The following GABBR1 variants were observed in gnomAD, a reference collection of about 807,000 sequenced individuals.
The protein encoded by GABBR1 is gamma-aminobutyric acid type B receptor subunit 1, also known as GABA-B receptor, R1 subunit.
GABBR1 carries 35 observed loss-of-function variants against 117.7 expected under a neutral mutation model. That is an observed-to-expected ratio of 0.30 (90% CI 0.23 to 0.39). The LOEUF (loss-of-function observed/expected upper bound fraction) is 0.39. GABBR1 is among the 10% of genes least tolerant of loss of function. GABBR1 has a pLI of 1.00. For synonymous variants in GABBR1, 442 were observed against 486.6 expected (o/e 0.91, Z 1.21); for missense variants, 709 against 1,241.8 (o/e 0.57, Z 6.45).
At chr6:29,610,169 C>T (rs1275427274) in intron 14 of GABBR1, among the ~76,000 whole-genome samples, 1 of 151,982 alleles carries the variant, frequency 6.6e-6, no homozygotes, top group East Asian at 1.9e-4. Context: ...TGAGCCTCCC[C>T]TTCATTCTCA....
chr6:29,627,553 T>A lies in GABBR1; in HGVS notation c.590A>T (p.Glu197Val). Reference protein sequence around the residue: ...ACQPAVEMALEDVNSRRDILP... With the variant: ...ACQPAVEMALVDVNSRRDILP... ...GATGTCCCTGCGGCTATTCACGTCC[T>A]CCAGCGCCATCTCCACCGCGGGCTG... The change falls in exon 6 of 23, where the codon GAG (glutamate) becomes GTG (valine). Residue 197 changes from glutamate to valine, a missense_variant. Glu to Val is a moderately radical substitution (Grantham distance 121, BLOSUM62 -2). Around this residue, in one of 9 missense-constraint regions of GABBR1, gnomAD observed 192 missense variants for 418.4 expected, o/e 0.46. Coordinates refer to ENST00000377034, the MANE Select transcript of GABBR1 (RefSeq NM_001470.4). This position sits in a 1 kb window ranked among gnomAD's most constrained non-coding sequence, Gnocchi z 4.4. 6.3e-7 allele frequency: 1 copy of A among 1,587,118 alleles called. No homozygotes were observed. Among genetic ancestry groups the A allele is most frequent in the Non-Finnish European group, 8.6e-7 (1 of 1,166,506 alleles).
At chr6:29,612,733 T>C (rs1330240849) in intron 12 of GABBR1, 119 bp from the exon 13 acceptor site, 1 of 882,496 alleles carries the variant, frequency 1.1e-6, no homozygotes, top group Non-Finnish European at 1.9e-6. Flanking sequence ...ATGAATGCTA[T>C]TTATGGCATT....
rs1272718118 is a variant in GABBR1, at chr6:29,605,798, G to A, written c.2312-102C>T. On this transcript the variant is annotated intron_variant, in intron 19 of 22. Coordinates refer to ENST00000377034, the MANE Select transcript of GABBR1 (RefSeq NM_001470.4). This position sits in a 1 kb window ranked among gnomAD's most constrained non-coding sequence, Gnocchi z 4.2. Reference sequence around the variant, plus strand: ...CTTCACCTACTCTGAAATGGAAAGGGGGCCCTCCTCTCCAATCCAACCCCT... The same window carrying A: ...CTTCACCTACTCTGAAATGGAAAGGAGGCCCTCCTCTCCAATCCAACCCCT... 7.1e-7 allele frequency: 1 copy of A among 1,407,286 alleles called. No homozygotes were observed. Among genetic ancestry groups the A allele is most frequent in the Non-Finnish European group, 9.6e-7 (1 of 1,036,862 alleles). 87.2% of individuals were successfully genotyped at this position (1,407,286 alleles called of 1,614,324 possible).
intron 11 of GABBR1, among the ~76,000 whole-genome samples, chr6:29,616,027 C>T (rs1409001214): frequency 6.6e-6 from 1 of 151,986 alleles, no homozygotes; most frequent in African/African-American, 2.4e-5. Flanking sequence ...CATGGAGAAA[C>T]CCTGTCTCTA....
chr6:29,628,225 A>G lies in GABBR1; in HGVS notation c.497-579T>C, dbSNP rs557919939. The G allele has an allele frequency of 1.1e-5, 10 of 951,466 alleles. No homozygotes were observed. The African/African-American group carries it at 1.6e-4, about 16-fold the overall frequency. 58.9% of individuals were successfully genotyped at this position (951,466 alleles called of 1,614,324 possible). A position where few individuals can be genotyped will look rare whatever the true frequency, so the allele number is the denominator to read the frequency against. ...GGGATGCAACCTCGAGGAGGAAAGGAACGAAAGAGGAAGGGAGGGATCTCA... is the reference window on the plus strand; with the variant it reads ...GGGATGCAACCTCGAGGAGGAAAGGGACGAAAGAGGAAGGGAGGGATCTCA... On this transcript the variant is annotated intron_variant, in intron 5 of 22. Coordinates refer to ENST00000377034, the MANE Select transcript of GABBR1 (RefSeq NM_001470.4).
intron 12 of GABBR1, 74 bp from the exon 13 acceptor site, chr6:29,612,688 A>G: frequency 7.9e-7 from 1 of 1,267,640 alleles, no homozygotes. Context: ...GGGACTCTTT[A>G]AATCCTTCTG....
In GABBR1 at chr6:29,604,569, C is replaced by T. The variant is rs1227763316; in HGVS notation, c.2637G>A (p.Ser879=). ...ACTTCTCCTCCTCGTTGTTGTTGGT[C>T]GATGACCCTGTCTTCATGGTGTCCT... ...EAQDTMKTGS[S]TNNNEEEKSR... The change falls in exon 22 of 23, where the codon TCG becomes TCA. Residue 879 remains serine, a synonymous_variant. Transcript: ENST00000377034. This position sits in a 1 kb window ranked among gnomAD's most constrained non-coding sequence, Gnocchi z 5.3. 6 of 1,613,150 alleles carry T rather than the reference C, an allele frequency of 3.7e-6. No homozygotes were observed. Among genetic ancestry groups the T allele is most frequent in the South Asian group, 1.1e-5 (1 of 91,088 alleles).
intron 14 of GABBR1, 72 bp downstream of exon 14, chr6:29,610,852 C>T: frequency 7.7e-7 from 1 of 1,291,928 alleles, no homozygotes; most frequent in Non-Finnish European, 1.1e-6. Context: ...ATTCCATCCT[C>T]ACTCAAAGGC....
rs951005038 is a variant in GABBR1, at chr6:29,620,542, G to A, written c.1323+559C>T. Among the ~76,000 whole-genome samples, 1 of 151,900 alleles carries A rather than the reference G, an allele frequency of 6.6e-6. No homozygotes were observed. Among genetic ancestry groups the A allele is most frequent in the Non-Finnish European group, 1.5e-5 (1 of 67,960 alleles). On this transcript the variant is annotated intron_variant, in intron 11 of 22. Transcript: ENST00000377034. This position sits in a 1 kb window ranked among gnomAD's most constrained non-coding sequence, Gnocchi z 4.5. Reference sequence around the variant, plus strand: ...CTCAAATCAGAGAATGCGCCTCCTCGCTCCAAGTCTGTCATTAACCAGCTG... The same window carrying A: ...CTCAAATCAGAGAATGCGCCTCCTCACTCCAAGTCTGTCATTAACCAGCTG...
chr6:29,608,746 T>TGGAGAGGGTGAGAGGG lies in GABBR1; in HGVS notation c.1860-29_1860-14dup, dbSNP rs1762221902. 9 of 1,611,736 alleles carry TGGAGAGGGTGAGAGGG rather than the reference T, an allele frequency of 5.6e-6. No homozygotes were observed. The East Asian group carries it at 2.0e-4, about 36-fold the overall frequency. On this transcript the variant is annotated splice_polypyrimidine_tract_variant and intron_variant, in intron 15 of 22. Coordinates refer to ENST00000377034, the MANE Select transcript of GABBR1 (RefSeq NM_001470.4). ...GTTCTGGATATAACTAGGGCAGAGG[T>TGGAGAGGGTGAGAGGG]GGAGAGGGTGAGAGGGAGAGAGAAT...
chr6:29,606,360 C>T lies in GABBR1; in HGVS notation c.2311+31G>A. 6.6e-7 allele frequency: 1 copy of T among 1,525,550 alleles called. No individual in the cohort carries two copies. The highest frequency in any genetic ancestry group is 9.1e-7 in the Non-Finnish European group (1 of 1,100,054). The allele number at this position is 1,525,550 out of a possible 1,614,324, so 94.5% of individuals were successfully genotyped here. ...TGCCTTCCCTCCTGCCTTTGTGCAT[C>T]CCTGCCCTCCTTTGCCCACATCCCA... On this transcript the variant is annotated intron_variant, in intron 19 of 22. Coordinates refer to ENST00000377034, the MANE Select transcript of GABBR1 (RefSeq NM_001470.4). This position sits in a 1 kb window ranked among gnomAD's most constrained non-coding sequence, Gnocchi z 4.5.
rs1762579226 is a variant in GABBR1, at chr6:29,611,920, C to T, written c.1630+631G>A. ...ACTGACAGGTCATCAACCTCTCAAC[C>T]CAAGCCACTCAAGGGGAAATTCCTG... On this transcript the variant is annotated intron_variant, in intron 13 of 22. Transcript: ENST00000377034. The surrounding 1 kb of genome is among the most constrained non-coding windows in gnomAD (Gnocchi z 4.6). Among the ~76,000 whole-genome samples, 1 of 152,226 alleles carries T rather than the reference C, an allele frequency of 6.6e-6. No individual in the cohort carries two copies. The highest frequency in any genetic ancestry group is 1.5e-5 in the Non-Finnish European group (1 of 68,044).
At position 29,604,710 on chromosome 6, in the gene GABBR1, G is replaced by A. The variant is rs190005485; in HGVS notation, c.2569-73C>T. On this transcript the variant is annotated intron_variant, in intron 21 of 22. Transcript: ENST00000377034. This position sits in a 1 kb window ranked among gnomAD's most constrained non-coding sequence, Gnocchi z 5.3. ...AGTGACTGGCTGATGGAAGGTTGGA[G>A]GTGGAAGGAATGCTGATAAGAGTTG... 1.1e-4 allele frequency: 169 copies of A among 1,606,784 alleles called. 2 individuals carry two copies. The East Asian group carries it at 3.7e-3, about 35-fold the overall frequency.
In GABBR1 at chr6:29,602,665, T is replaced by G; in HGVS notation, c.*878A>C. The G allele has an allele frequency of 3.9e-6, 1 of 258,034 alleles. No homozygotes were observed. The highest frequency in any genetic ancestry group is 7.6e-6 in the Non-Finnish European group (1 of 131,450). 16.0% of individuals were successfully genotyped at this position (258,034 alleles called of 1,614,324 possible). ...GGCTCTGTCAGAAGAATACCATGATTTAAGGGAAGAAAGTACACAAGGTAC... is the reference window on the plus strand; with the variant it reads ...GGCTCTGTCAGAAGAATACCATGATGTAAGGGAAGAAAGTACACAAGGTAC... On this transcript the variant is annotated 3_prime_UTR_variant, in exon 23 of 23. Coordinates refer to ENST00000377034, the MANE Select transcript of GABBR1 (RefSeq NM_001470.4).
rs948000512 is a variant in GABBR1 at position 29,607,865 on chromosome 6, T to C, written c.1993-647A>G. Among the ~76,000 whole-genome samples, 1 of 152,236 alleles carries C rather than the reference T, an allele frequency of 6.6e-6. No individual in the cohort carries two copies. The highest frequency in any genetic ancestry group is 2.4e-5 in the African/African-American group (1 of 41,464). On this transcript the variant is annotated intron_variant, in intron 16 of 22. Transcript: ENST00000377034. The surrounding 1 kb of genome is among the most constrained non-coding windows in gnomAD (Gnocchi z 5.0). ...ATCCCTACTCTGGAACCTCTCCTAT[T>C]GCACTACAGCTAATTGTCTGCTTCT...
Position 29,603,293 on chromosome 6 carries a change from G to A in GABBR1, c.*250C>T, listed in dbSNP as rs1761571551. On this transcript the variant is annotated 3_prime_UTR_variant, in exon 23 of 23. Transcript: ENST00000377034. ...GTGAGCAGTGAGCAGCTTCAAGCCA[G>A]GTACGAACTAAATTGTGAAGAGGTG... The A allele has an allele frequency of 1.5e-6, 1 of 675,170 alleles. No homozygotes were observed. Among genetic ancestry groups the A allele is most frequent in the Non-Finnish European group, 2.7e-6 (1 of 366,540 alleles). The allele number at this position is 675,170 out of a possible 1,614,324, so 41.8% of individuals were successfully genotyped here. A position where few individuals can be genotyped will look rare whatever the true frequency, so the allele number is the denominator to read the frequency against.
chr6:29,611,251 G>A lies in GABBR1; in HGVS notation c.1631-250C>T. ...TATGTTTAAAAGTCTTCAGTGAGGA[G>A]GCTCCACAACATGTCTGCCACCTAT... is the stretch of plus-strand genomic sequence containing the variant. On this transcript the variant is annotated intron_variant, in intron 13 of 22. Transcript: ENST00000377034. This position sits in a 1 kb window ranked among gnomAD's most constrained non-coding sequence, Gnocchi z 4.6. 2 of 428,402 alleles carry A rather than the reference G, an allele frequency of 4.7e-6. No homozygotes were observed. Among genetic ancestry groups the A allele is most frequent in the Admixed American group, 3.9e-5 (1 of 25,944 alleles). 26.5% of individuals were successfully genotyped at this position (428,402 alleles called of 1,614,324 possible). A position where few individuals can be genotyped will look rare whatever the true frequency, so the allele number is the denominator to read the frequency against.
chr6:29,622,109 G>C lies in GABBR1; in HGVS notation c.1060C>G (p.Leu354Val). 1 of 1,613,566 alleles carries C rather than the reference G, an allele frequency of 6.2e-7. No individual in the cohort carries two copies. The highest frequency in any genetic ancestry group is 8.5e-7 in the Non-Finnish European group (1 of 1,179,600). The change falls in exon 9 of 23, where the codon CTG (leucine) becomes GTG (valine). Residue 354 changes from leucine to valine, a missense_variant. Physicochemically the swap from Leu to Val is conservative, Grantham distance 32. This residue lies in a region of GABBR1 where 192 missense variants were observed against 418.4 expected (regional missense o/e 0.46). Coordinates refer to ENST00000377034, the MANE Select transcript of GABBR1 (RefSeq NM_001470.4). This position sits in a 1 kb window ranked among gnomAD's most constrained non-coding sequence, Gnocchi z 4.6. ...ACCACTCCCAGCCATCTGACCTTCA[G>C]GTTTTTGACGGGCACAGCTGGATCT... is the stretch of plus-strand genomic sequence containing the variant. ...FSDPAVPVKN[L>V]KRQDARIIVG...
At position 29,605,854 on chromosome 6, in the gene GABBR1, T is replaced by C; in HGVS notation, c.2312-158A>G. 1.2e-6 allele frequency: 1 copy of C among 804,498 alleles called. No individual in the cohort carries two copies. The highest frequency in any genetic ancestry group is 1.7e-5 in the African/African-American group (1 of 57,940). 49.8% of individuals were successfully genotyped at this position (804,498 alleles called of 1,614,324 possible). On this transcript the variant is annotated intron_variant, in intron 19 of 22. Coordinates refer to ENST00000377034, the MANE Select transcript of GABBR1 (RefSeq NM_001470.4). The surrounding 1 kb of genome is among the most constrained non-coding windows in gnomAD (Gnocchi z 4.2). ...CTAGCAAACCTCACCCTGTGTCCCC[T>C]ATCCCTTATGTCCACCCAACTTGCC...
Sources: allele counts gnomAD v4.1 joint callset (sites outside exome capture counted in the v4.1 genomes callset), GRCh38; gene constraint gnomAD v4.1.1; regional missense constraint gnomAD v4.1.1; non-coding constraint Gnocchi (gnomAD v3.1); transcripts MANE v1.5; gene names NCBI Gene and HGNC (gene_info 2026-07-23, HGNC 2026-07-21).